Variants in IL1RAPL1 observed in about 807,000 individuals in gnomAD.
IL1RAPL1 encodes the protein interleukin-1 receptor accessory protein-like 1.
Under a neutral mutation model 48.4 loss-of-function variants are expected in IL1RAPL1, and 3 were observed. The ratio of observed to expected loss-of-function variants is 0.06; its 90% CI spans 0.03 to 0.16. IL1RAPL1 has a LOEUF of 0.16. IL1RAPL1 is among the 10% of genes least tolerant of loss of function. The pLI, the probability that IL1RAPL1 is intolerant of heterozygous loss-of-function variation, is 1.00. For synonymous variants in IL1RAPL1, 185 were observed against 187.7 expected (o/e 0.99, Z 0.12); for missense variants, 349 against 530.6 (o/e 0.66, Z 3.36).
At chrX:28,589,976 G>A (rs1219684557) in intron 1 of IL1RAPL1, among the ~76,000 whole-genome samples, 1 of 111,910 alleles carries the variant, frequency 8.9e-6, no homozygotes, top group Admixed American at 9.5e-5. Flanking sequence ...CTTATTGAAT[G>A]GCTTAAAAGA....
chrX:29,173,152 G>A (rs900595551), intron 2 of IL1RAPL1, among the ~76,000 whole-genome samples: 1 of 111,395 alleles, frequency 9.0e-6, no homozygotes, highest in African/African-American at 3.3e-5. Context: ...GATTTAGGAG[G>A]TCCAAGGAAC....
At chrX:29,916,936 G>A (rs67431663) in intron 6 of IL1RAPL1, among the ~76,000 whole-genome samples, 27,584 of 110,658 alleles carry the variant, frequency 0.25, 3,327 homozygotes, top group African/African-American at 0.47. Context: ...TCTTTAATTC[G>A]AATGTTATTC....
chrX:28,597,360 C>T (rs1933966591), intron 1 of IL1RAPL1, among the ~76,000 whole-genome samples: 1 of 111,510 alleles, frequency 9.0e-6, no homozygotes, highest in East Asian at 2.8e-4. Context: ...ACGCTTATTC[C>T]AATTTTCTCA....
chrX:29,192,225 A>G (rs1176359409), intron 2 of IL1RAPL1, among the ~76,000 whole-genome samples: 4 of 112,058 alleles, frequency 3.6e-5, no homozygotes, highest in Admixed American at 1.9e-4. Flanking sequence ...GTGTGTGGGT[A>G]GTCAAGAGCC....
chrX:29,720,034 T>C (rs1927594912), intron 6 of IL1RAPL1, among the ~76,000 whole-genome samples: 1 of 111,861 alleles, frequency 8.9e-6, no homozygotes, highest in Admixed American at 9.5e-5. Context: ...ATTAGAGAAA[T>C]GCAAATCAAA....
At chrX:29,179,781 C>T (rs889871315) in intron 2 of IL1RAPL1, among the ~76,000 whole-genome samples, 3 of 111,227 alleles carry the variant, frequency 2.7e-5, no homozygotes, top group Non-Finnish European at 5.7e-5. Flanking sequence ...AGTATTGAGT[C>T]CTTATAAGAG....
rs182139801 is a variant in IL1RAPL1 at position 29,820,072 on chromosome X, A to G, written c.779-97392A>G. On this transcript the variant is annotated intron_variant, in intron 6 of 10. Coordinates refer to ENST00000378993, the MANE Select transcript of IL1RAPL1 (RefSeq NM_014271.4). ...TATATAAGTATTTTATATTTATATG[A>G]TATATACTTATAAATATATATCAAC... Among the ~76,000 whole-genome samples, 20 of 107,069 alleles carry G rather than the reference A, an allele frequency of 1.9e-4. No individual in the cohort carries two copies. In the East Asian group the frequency reaches 3.7e-3, roughly 20 times the overall value. 93.0% of individuals were successfully genotyped at this position (107,069 alleles called of 115,157 possible).
At chrX:29,344,423 A>G (rs940644112) in intron 3 of IL1RAPL1, among the ~76,000 whole-genome samples, 2 of 112,041 alleles carry the variant, frequency 1.8e-5, no homozygotes, top group Non-Finnish European at 3.8e-5. Flanking sequence ...TCATCTAGCT[A>G]TTCATTTTAC....
chrX:28,620,077 T>TAA (rs371932726), intron 1 of IL1RAPL1, among the ~76,000 whole-genome samples: 1 of 104,375 alleles, frequency 9.6e-6, no homozygotes, highest in African/African-American at 3.5e-5. Context: ...TCCTGCAGTT[T>TAA]AAAAAAAAAA....
chrX:29,461,190 A>G (rs1188751734), intron 5 of IL1RAPL1, among the ~76,000 whole-genome samples: 1 of 111,619 alleles, frequency 9.0e-6, no homozygotes, highest in Non-Finnish European at 1.9e-5. Context: ...ATTCAATACC[A>G]TTAGTCATTA....
At chrX:29,598,904 C>T (rs759780959) in intron 5 of IL1RAPL1, among the ~76,000 whole-genome samples, 2 of 111,837 alleles carry the variant, frequency 1.8e-5, no homozygotes, top group East Asian at 5.6e-4. Flanking sequence ...TCCCCTTTAC[C>T]TTAAGATTAT....
At chrX:28,622,092 A>G (rs138648104) in intron 1 of IL1RAPL1, among the ~76,000 whole-genome samples, 1,559 of 111,632 alleles carry the variant, frequency 0.014, 27 homozygotes, top group African/African-American at 0.048. Context: ...GAAAAGTACT[A>G]TAAGAATACT....
chrX:29,454,231 A>C (rs1009787494), intron 5 of IL1RAPL1, among the ~76,000 whole-genome samples: 1 of 112,538 alleles, frequency 8.9e-6, no homozygotes, highest in Admixed American at 9.5e-5. Context: ...GCACATTATC[A>C]GATCAATTTT....
intron 1 of IL1RAPL1, among the ~76,000 whole-genome samples, chrX:28,661,816 T>C (rs964038734): frequency 1.8e-5 from 2 of 112,238 alleles, no homozygotes; most frequent in Non-Finnish European, 3.8e-5. Flanking sequence ...GTTAAGCCTG[T>C]GTCCTTCTGA....
chrX:29,929,737 A>G (rs1360305896), intron 8 of IL1RAPL1, among the ~76,000 whole-genome samples: 5 of 111,696 alleles, frequency 4.5e-5, no homozygotes, highest in Non-Finnish European at 9.4e-5. Context: ...TATTAAATAT[A>G]AATTACCTGA....
At chrX:28,885,690 G>A (rs1922612224) in intron 2 of IL1RAPL1, among the ~76,000 whole-genome samples, 2 of 111,022 alleles carry the variant, frequency 1.8e-5, no homozygotes, top group South Asian at 7.5e-4. Flanking sequence ...ACCCCTGAGG[G>A]CAATTGTTTT....
chrX:29,740,936 A>C (rs1928179649), intron 6 of IL1RAPL1, among the ~76,000 whole-genome samples: 1 of 112,293 alleles, frequency 8.9e-6, no homozygotes, highest in African/African-American at 3.2e-5. Context: ...ATGACTTGTA[A>C]ATTGAAAGCA....
At chrX:29,904,278 AAAGAAAAGAACG>A (rs1207441266) in intron 6 of IL1RAPL1, among the ~76,000 whole-genome samples, 3 of 111,875 alleles carry the variant, frequency 2.7e-5, no homozygotes, top group African/African-American at 9.7e-5. Flanking sequence ...TTAGAGACTG[AAAGAAAAGAACG>A]ATAGTTGCTC....
Position 29,919,961 on chromosome X carries a change from G to A in IL1RAPL1, c.924G>A (p.Glu308=). ...VWESDIRILK[E]HLGEQEVSIS... ...CTTTACATTTTAGAATTCTTAAGGA[G>A]CATCTTGGGGAACAGGAAGTTTCCA... Residue 308 remains glutamate (E), a synonymous_variant, in exon 8 of 11, where the codon GAG becomes GAA. Coordinates refer to ENST00000378993, the MANE Select transcript of IL1RAPL1 (RefSeq NM_014271.4). The A allele has an allele frequency of 8.3e-7, 1 of 1,210,897 alleles. No individual in the cohort carries two copies. The highest frequency in any genetic ancestry group is 1.7e-5 in the African/African-American group (1 of 57,738).
Sources: allele counts gnomAD v4.1 joint callset (sites outside exome capture counted in the v4.1 genomes callset), GRCh38; gene constraint gnomAD v4.1.1; transcripts MANE v1.5; gene names NCBI Gene and HGNC (gene_info 2026-07-23, HGNC 2026-07-21).